The following PABIR3 variants were observed in gnomAD, a reference collection of about 807,000 sequenced individuals.
PABIR3 encodes PABIR family member 1.
PABIR3 carries 20 observed loss-of-function variants against 23.1 expected under a neutral mutation model. The ratio of observed to expected loss-of-function variants is 0.86; its 90% CI spans 0.61 to 1.26. The LOEUF (loss-of-function observed/expected upper bound fraction) is 1.26. Among genes scored for constraint, PABIR3 ranks in the 50% most tolerant of loss-of-function variants. The pLI, the probability that PABIR3 is intolerant of heterozygous loss-of-function variation, is 0.00. For missense variants in PABIR3, 189 were observed against 195.4 expected (o/e 0.97, Z 0.20); for synonymous variants, 69 against 68.5 (o/e 1.01, Z -0.04).
chrX:134,840,458 A>G lies in PABIR3; in HGVS notation c.247-4747A>G, dbSNP rs946963099. Among the ~76,000 whole-genome samples the G allele has an allele frequency of 4.5e-5, 5 of 112,026 alleles. No individual in the cohort carries two copies. The South Asian group carries it at 1.9e-3, about 42-fold the overall frequency. Reference sequence around the variant, plus strand: ...ATGGCTTCCCATTACCTATTGAATAATAATAAAAATAGCTAATATGTGTTA... The same window carrying G: ...ATGGCTTCCCATTACCTATTGAATAGTAATAAAAATAGCTAATATGTGTTA... On this transcript the variant is annotated intron_variant, in intron 4 of 10. Transcript: ENST00000645433.
At chrX:134,814,548 AT>A (rs1272205838) in intron 2 of PABIR3, among the ~76,000 whole-genome samples, 1 of 110,495 alleles carries the variant, frequency 9.1e-6, no homozygotes, top group Non-Finnish European at 1.9e-5. Context: ...AAATACAAAA[AT>A]TAGCTGGGCA....
At chrX:134,830,762 G>A (rs771972404) in intron 4 of PABIR3, among the ~76,000 whole-genome samples, 9 of 111,610 alleles carry the variant, frequency 8.1e-5, no homozygotes, top group Non-Finnish European at 1.7e-4. Context: ...TGTGCAATAT[G>A]TTTCTTTGCT....
At chrX:134,845,453 T>TA (rs1157094032) in intron 6 of PABIR3, 52 bp downstream of exon 6, 2 of 981,307 alleles carry the variant, frequency 2.0e-6, no homozygotes, top group Non-Finnish European at 2.8e-6. Context: ...TTTACTGACT[T>TA]ACAGTGTCGG....
chrX:134,801,489 T>C (rs775604134), intron 1 of PABIR3, among the ~76,000 whole-genome samples: 1 of 112,578 alleles, frequency 8.9e-6, no homozygotes, highest in East Asian at 2.8e-4. Flanking sequence ...TCATCAGGGG[T>C]TGGGATTATG....
In PABIR3 at chrX:134,842,607, C is replaced by CA. The variant is rs202149725; in HGVS notation, c.247-2590dup. On this transcript the variant is annotated intron_variant, in intron 4 of 10. Transcript: ENST00000645433. ...TAGGCAACAGAGCGAGACTCCGTCT[C>CA]AAAAAAAAGTCCGGGCACAGTGGCT... is the stretch of plus-strand genomic sequence containing the variant. Among the ~76,000 whole-genome samples the CA allele has an allele frequency of 1.7e-4, 18 of 108,053 alleles. No homozygotes were observed. In the East Asian group the frequency reaches 2.7e-3, roughly 16 times the overall value. The allele number at this position is 108,053 out of a possible 115,157, so 93.8% of individuals were successfully genotyped here.
chrX:134,804,314 C>T (rs902777352), upstream of PABIR3: 16 of 876,959 alleles, frequency 1.8e-5, no homozygotes, highest in African/African-American at 3.2e-4. Flanking sequence ...TTGTGTTTGC[C>T]ATTGTAGCAT....
chrX:134,849,133 A>T (rs1207382321), intron 8 of PABIR3, 34 bp from the exon 9 acceptor site: 2 of 803,091 alleles, frequency 2.5e-6, no homozygotes, highest in Non-Finnish European at 3.2e-6. Context: ...GTTAAAAAAA[A>T]TTTCTTATAA....
chrX:134,821,037 T>C (rs754278648), intron 3 of PABIR3, among the ~76,000 whole-genome samples: 2 of 101,819 alleles, frequency 2.0e-5, no homozygotes, highest in South Asian at 8.7e-4. Context: ...AATATATATA[T>C]ACACATATAT....
At chrX:134,819,308 A>T (rs1603197278) in intron 3 of PABIR3, among the ~76,000 whole-genome samples, 1 of 111,619 alleles carries the variant, frequency 9.0e-6, no homozygotes, top group African/African-American at 3.2e-5. Flanking sequence ...GTTCAGTTTA[A>T]TATAATGTAT....
chrX:134,814,250 G>C (rs1489069425), intron 2 of PABIR3, among the ~76,000 whole-genome samples: 1 of 111,815 alleles, frequency 8.9e-6, no homozygotes, highest in East Asian at 2.8e-4. Context: ...TCCGTAGCAT[G>C]ATTAGGAGTA....
chrX:134,810,102 A>G, intron 2 of PABIR3: 1 of 752,316 alleles, frequency 1.3e-6, no homozygotes, highest in Non-Finnish European at 1.6e-6. Context: ...TATTGAAGAC[A>G]ATATAAAAAG....
At chrX:134,823,395 AGT>A (rs1185405655) in intron 3 of PABIR3, among the ~76,000 whole-genome samples, 1 of 111,474 alleles carries the variant, frequency 9.0e-6, no homozygotes, top group Non-Finnish European at 1.9e-5. Flanking sequence ...TATAAACCAT[AGT>A]GTTTCATGTT....
intron 9 of PABIR3, among the ~76,000 whole-genome samples, chrX:134,852,573 T>G (rs926601323): frequency 6.3e-5 from 7 of 110,675 alleles, no homozygotes; most frequent in African/African-American, 2.3e-4. Flanking sequence ...CTAAAAACAT[T>G]ATATACGGTA....
intron 3 of PABIR3, among the ~76,000 whole-genome samples, chrX:134,826,414 C>T (rs1031229693): frequency 8.9e-6 from 1 of 111,904 alleles, no homozygotes; most frequent in Admixed American, 9.6e-5. Flanking sequence ...CCCCACTTTG[C>T]TTTCATTTGA....
At chrX:134,849,937 A>C (rs990061590) in intron 9 of PABIR3, among the ~76,000 whole-genome samples, 7 of 86,237 alleles carry the variant, frequency 8.1e-5, no homozygotes, top group African/African-American at 3.2e-4. Flanking sequence ...CAGTGGCACA[A>C]TCTTGGCTCA....
At chrX:134,823,223 C>T (rs2081366956) in intron 3 of PABIR3, among the ~76,000 whole-genome samples, 1 of 110,947 alleles carries the variant, frequency 9.0e-6, no homozygotes, top group Non-Finnish European at 1.9e-5. Flanking sequence ...TACCCCCAAA[C>T]CTAAAATAAA....
intron 3 of PABIR3, among the ~76,000 whole-genome samples, chrX:134,820,861 AAAT>A (rs1448661453): frequency 1.7e-4 from 18 of 108,085 alleles, no homozygotes; most frequent in African/African-American, 6.1e-4. Context: ...TCTCTACTAA[AAAT>A]ACGAAAAATT....
chrX:134,826,257 T>C (rs895194119), intron 3 of PABIR3, among the ~76,000 whole-genome samples: 4 of 111,608 alleles, frequency 3.6e-5, no homozygotes, highest in Non-Finnish European at 5.6e-5. Flanking sequence ...TCTTAAAACA[T>C]GCCAAGCACT....
At chrX:134,851,714 AAG>A (rs1404126061) in intron 9 of PABIR3, among the ~76,000 whole-genome samples, 2 of 111,961 alleles carry the variant, frequency 1.8e-5, no homozygotes, top group African/African-American at 6.5e-5. Context: ...TAAACCAAAA[AAG>A]AGAGCTGAGT....
Sources: allele counts gnomAD v4.1 joint callset (sites outside exome capture counted in the v4.1 genomes callset), GRCh38; gene constraint gnomAD v4.1.1; transcripts MANE v1.5; gene names NCBI Gene and HGNC (gene_info 2026-07-23, HGNC 2026-07-21).